The following SLC24A4 variants were observed in gnomAD, a reference collection of about 807,000 sequenced individuals.
The protein encoded by SLC24A4 is solute carrier family 24 member 4.
SLC24A4 carries 53 observed loss-of-function variants against 79.0 expected under a neutral mutation model. The ratio of observed to expected loss-of-function variants is 0.67; its 90% CI spans 0.54 to 0.84. The LOEUF (loss-of-function observed/expected upper bound fraction) is 0.84, where lower values mean the gene tolerates loss of function less well. SLC24A4 is among the 40% of genes least tolerant of loss of function. The pLI is 0.00. For missense variants in SLC24A4, 731 were observed against 822.0 expected (o/e 0.89, Z 1.35); for synonymous variants, 323 against 323.8 (o/e 1.00, Z 0.03).
rs535925355 is a variant in SLC24A4 at position 92,381,141 on chromosome 14, T to C, written c.242-52771T>C. On this transcript the variant is annotated intron_variant, in intron 2 of 16. Transcript: ENST00000532405. The stretch of plus-strand genomic sequence containing the variant: ...AAAGACACATGCACACATATGTTTA[T>C]TGCAGCACTATTTACAATAGCAAAG... Among the ~76,000 whole-genome samples, 11 of 152,342 alleles carry C rather than the reference T, an allele frequency of 7.2e-5. No homozygotes were observed. In the East Asian group the frequency reaches 1.9e-3, roughly 27 times the overall value.
At chr14:92,340,790 T>A (rs752328978) in intron 2 of SLC24A4, among the ~76,000 whole-genome samples, 6 of 152,086 alleles carry the variant, frequency 3.9e-5, no homozygotes, top group Non-Finnish European at 5.9e-5. Context: ...TGGCCTCACA[T>A]GTCAGGACAC....
At chr14:92,474,387 G>A (rs1034765163) in intron 12 of SLC24A4, among the ~76,000 whole-genome samples, 4 of 152,168 alleles carry the variant, frequency 2.6e-5, no homozygotes, top group African/African-American at 7.2e-5. Flanking sequence ...CCTGCGAGGG[G>A]CTTCCAGTCT....
intron 2 of SLC24A4, among the ~76,000 whole-genome samples, chr14:92,386,018 C>G (rs111386803): frequency 5.3e-5 from 8 of 152,282 alleles, no homozygotes; most frequent in Non-Finnish European, 1.0e-4. Flanking sequence ...AGGCAGCTTG[C>G]CCCTGGCAGG....
At chr14:92,448,895 C>A (rs1047233358) in intron 9 of SLC24A4, among the ~76,000 whole-genome samples, 179 bp from the exon 10 acceptor site, 59 of 152,296 alleles carry the variant, frequency 3.9e-4, no homozygotes, top group African/African-American at 1.4e-3. Flanking sequence ...CACAATGCTC[C>A]CAGGTCCCTG....
At position 92,494,524 on chromosome 14, in the gene SLC24A4, C is replaced by T. The variant is rs902163604; in HGVS notation, c.*896C>T. ...CTCAGAGACTGGAGATTATAGTTTA[C>T]AGCTGTACTTTCCAGATCTTCTATG... On this transcript the variant is annotated 3_prime_UTR_variant, in exon 17 of 17. Transcript: ENST00000532405. This position sits in a 1 kb window ranked among gnomAD's most constrained non-coding sequence, Gnocchi z 4.6. 3 of 152,220 alleles carry T rather than the reference C, an allele frequency of 2.0e-5. No individual in the cohort carries two copies. The highest frequency in any genetic ancestry group is 7.2e-5 in the African/African-American group (3 of 41,456). The allele number at this position is 152,220 out of a possible 1,614,324, so 9.4% of individuals were successfully genotyped here. A position where few individuals can be genotyped will look rare whatever the true frequency, so the allele number is the denominator to read the frequency against.
chr14:92,328,870 A>G (rs1046414662), intron 2 of SLC24A4, among the ~76,000 whole-genome samples: 6 of 152,216 alleles, frequency 3.9e-5, no homozygotes, highest in Admixed American at 3.9e-4. Context: ...CTACCACCAG[A>G]ACTCTACCTG....
chr14:92,343,870 T>C (rs9972287), intron 2 of SLC24A4, among the ~76,000 whole-genome samples: 124,021 of 151,748 alleles, frequency 0.82, 51,494 homozygotes, highest in East Asian at 0.93. Context: ...ACCCAGCTAA[T>C]TTTTGTATTT....
chr14:92,382,137 A>AGT (rs765519119), intron 2 of SLC24A4, among the ~76,000 whole-genome samples: 8 of 152,076 alleles, frequency 5.3e-5, no homozygotes, highest in Non-Finnish European at 1.0e-4. Flanking sequence ...TCTATACATA[A>AGT]GTGTGTGTAT....
chr14:92,484,724 A>C (rs578065066), intron 13 of SLC24A4: 87 of 985,258 alleles, frequency 8.8e-5, no homozygotes, highest in Non-Finnish European at 1.0e-4. Context: ...AACCTCATTC[A>C]TGTCCCTCCT....
At chr14:92,438,145 G>C (rs910464333) in intron 3 of SLC24A4, among the ~76,000 whole-genome samples, 2 of 152,164 alleles carry the variant, frequency 1.3e-5, no homozygotes, top group Non-Finnish European at 2.9e-5. Context: ...TTCTTTAGAC[G>C]GCAGTTGCAA....
intron 2 of SLC24A4, among the ~76,000 whole-genome samples, chr14:92,392,735 G>T (rs1278133868): frequency 1.3e-5 from 2 of 152,104 alleles, no homozygotes; most frequent in East Asian, 3.9e-4. Context: ...AGGAAGTGAG[G>T]GATTAGTGCT....
At chr14:92,355,154 G>A (rs1887106042) in intron 2 of SLC24A4, among the ~76,000 whole-genome samples, 1 of 152,240 alleles carries the variant, frequency 6.6e-6, no homozygotes, top group Admixed American at 6.5e-5. Context: ...ACTTGTTGGG[G>A]TGGGGTGGTT....
rs201631332 is a variant in SLC24A4 at position 92,325,988 on chromosome 14, C to T, written c.241+10C>T. 86 of 1,568,694 alleles carry T rather than the reference C, an allele frequency of 5.5e-5. No homozygotes were observed. In the African/African-American group the frequency reaches 1.1e-3, roughly 19 times the overall value. On this transcript the variant is annotated intron_variant, in intron 2 of 16. Transcript: ENST00000532405. ...AACTGCACAGATCCTGGTAAGAAAT[C>T]AATTCTTCTCCACTCAGTCTACTAA...
chr14:92,348,507 A>G (rs1886672493), intron 2 of SLC24A4, among the ~76,000 whole-genome samples: 1 of 152,196 alleles, frequency 6.6e-6, no homozygotes, highest in Non-Finnish European at 1.5e-5. Context: ...TAGTCTGCTG[A>G]TCCTGTTCTA....
chr14:92,364,572 G>A (rs1321949399), intron 2 of SLC24A4, among the ~76,000 whole-genome samples: 1 of 152,218 alleles, frequency 6.6e-6, no homozygotes, highest in East Asian at 1.9e-4. Context: ...GGGTGACTTT[G>A]GAACACACAG....
intron 16 of SLC24A4, chr14:92,492,727 G>A (rs1895754502): frequency 1.7e-5 from 7 of 402,044 alleles, no homozygotes; most frequent in Admixed American, 1.1e-4. Context: ...TCGGGGCTCA[G>A]GGGTTAACTT....
intron 2 of SLC24A4, 93 bp from the exon 3 acceptor site, chr14:92,433,819 C>T (rs926286661): frequency 2.8e-6 from 3 of 1,059,172 alleles, no homozygotes; most frequent in East Asian, 2.4e-5. Flanking sequence ...GAGGTGGGCT[C>T]TGCAGTTCCT....
intron 2 of SLC24A4, among the ~76,000 whole-genome samples, chr14:92,424,883 A>AAAAAACAAAAAC (rs75512721): frequency 0.41 from 62,398 of 150,898 alleles, 13,168 homozygotes; most frequent in Non-Finnish European, 0.44. Context: ...CTCCGTCTCA[A>AAAAAACAAAAAC]AAAAACAAAA....
intron 1 of SLC24A4, 87 bp downstream of exon 1, chr14:92,324,047 C>T: frequency 1.3e-6 from 2 of 1,510,974 alleles, no homozygotes; most frequent in Non-Finnish European, 1.8e-6. Flanking sequence ...GTTTTCCCCT[C>T]CTTCCTCATC....
Sources: allele counts gnomAD v4.1 joint callset (sites outside exome capture counted in the v4.1 genomes callset), GRCh38; gene constraint gnomAD v4.1.1; non-coding constraint Gnocchi (gnomAD v3.1); transcripts MANE v1.5; gene names NCBI Gene and HGNC (gene_info 2026-07-23, HGNC 2026-07-21).